Variants in ACVR1C observed in about 807,000 individuals in gnomAD.
ACVR1C encodes activin receptor type-1C.
Under a neutral mutation model 57.9 loss-of-function variants are expected in ACVR1C, and 23 were observed. The ratio of observed to expected loss-of-function variants is 0.40; its 90% confidence interval spans 0.29 to 0.56. ACVR1C has a LOEUF of 0.56. ACVR1C is among the 20% of genes least tolerant of loss of function. The pLI, the probability that ACVR1C is intolerant of heterozygous loss-of-function variation, is 0.50. For missense variants in ACVR1C, 480 were observed against 607.9 expected (o/e 0.79, Z 2.21); for synonymous variants, 214 against 215.3 (o/e 0.99, Z 0.05).
chr2:157,550,579 A>G (rs1035673204), intron 3 of ACVR1C, among the ~76,000 whole-genome samples, 187 bp from the exon 4 acceptor site: 9 of 152,238 alleles, frequency 5.9e-5, no homozygotes, highest in African/African-American at 1.9e-4. Flanking sequence ...AAAATACTTC[A>G]AATTATGAAT....
chr2:157,581,167 G>C (rs1688779350), intron 2 of ACVR1C, among the ~76,000 whole-genome samples: 1 of 151,928 alleles, frequency 6.6e-6, no homozygotes, highest in South Asian at 2.1e-4. Context: ...GGCTTCAAAA[G>C]TTTTCTTCAG....
At chr2:157,578,849 G>A (rs889047920) in intron 2 of ACVR1C, among the ~76,000 whole-genome samples, 2 of 152,060 alleles carry the variant, frequency 1.3e-5, no homozygotes, top group Non-Finnish European at 2.9e-5. Flanking sequence ...GATTAACACT[G>A]AATTCAACTT....
chr2:157,600,408 A>G (rs1682254260), intron 1 of ACVR1C, among the ~76,000 whole-genome samples: 1 of 152,246 alleles, frequency 6.6e-6, no homozygotes, highest in South Asian at 2.1e-4. Context: ...GAAAGCTCTG[A>G]CTTGTTAAAA....
rs1201198443 is a variant in ACVR1C at position 157,570,483 on chromosome 2, A to T, written c.305-14151T>A. On this transcript the variant is annotated intron_variant, in intron 2 of 8. Transcript: ENST00000243349. ...GAAAACCCCATCGTCTCAGCCCAAA[A>T]TCTCCTTAAGCTGATAAGCAACTTC... Among the ~76,000 whole-genome samples, 511 of 69,904 alleles carry T rather than the reference A, an allele frequency of 7.3e-3. 1 individual carries two copies. Among genetic ancestry groups the T allele is most frequent in the Non-Finnish European group, 8.6e-3 (290 of 33,896 alleles). The allele number at this position is 69,904 out of a possible 152,430, so 45.9% of individuals were successfully genotyped here.
intron 2 of ACVR1C, among the ~76,000 whole-genome samples, chr2:157,573,228 G>A (rs1165925825): frequency 6.6e-6 from 1 of 152,166 alleles, no homozygotes. Context: ...ATTTAGACAT[G>A]TGCCTAATCA....
In ACVR1C at chr2:157,576,822, G is replaced by C. The variant is rs1472171846; in HGVS notation, c.304+10365C>G. On this transcript the variant is annotated intron_variant, in intron 2 of 8. Coordinates refer to ENST00000243349, the MANE Select transcript of ACVR1C (RefSeq NM_145259.3). ...ACAATTTTCTGGTAGAGCCTTTTGG[G>C]CTTTGAAATTTTCTTTTTTTTTTTT... Among the ~76,000 whole-genome samples the C allele has an allele frequency of 2.7e-5, 4 of 146,502 alleles. No homozygotes were observed. The East Asian group carries it at 8.0e-4, about 29-fold the overall frequency.
At chr2:157,624,568 T>C (rs1284944943) in intron 1 of ACVR1C, among the ~76,000 whole-genome samples, 2 of 152,222 alleles carry the variant, frequency 1.3e-5, no homozygotes, top group Non-Finnish European at 2.9e-5. Context: ...TCTTGTTTTT[T>C]TCACCCATAT....
At chr2:157,574,475 G>A (rs527247992) in intron 2 of ACVR1C, among the ~76,000 whole-genome samples, 17 of 152,276 alleles carry the variant, frequency 1.1e-4, no homozygotes, top group African/African-American at 4.1e-4. Flanking sequence ...GAACTTAGGG[G>A]GAACATATTT....
At position 157,527,282 on chromosome 2, in the gene ACVR1C, T is replaced by C. The variant is rs2105191357; in HGVS notation, c.*6636A>G. The C allele has an allele frequency of 6.6e-6, 1 of 152,310 alleles. No individual in the cohort carries two copies. The highest frequency in any genetic ancestry group is 2.4e-5 in the African/African-American group (1 of 41,562). 9.4% of individuals were successfully genotyped at this position (152,310 alleles called of 1,614,324 possible). On this transcript the variant is annotated 3_prime_UTR_variant, in exon 9 of 9. Coordinates refer to ENST00000243349, the MANE Select transcript of ACVR1C (RefSeq NM_145259.3). Reference sequence around the variant, plus strand: ...ACCTAATTTATTTTTTCATATTCCTTCCTTATATACATTCCTTTGGGCCTG... The same window carrying C: ...ACCTAATTTATTTTTTCATATTCCTCCCTTATATACATTCCTTTGGGCCTG...
intron 3 of ACVR1C, among the ~76,000 whole-genome samples, chr2:157,554,396 G>C (rs1267189068): frequency 2.0e-5 from 3 of 150,756 alleles, no homozygotes; most frequent in Admixed American, 2.0e-4. Flanking sequence ...AGGAAGGAAG[G>C]AAGGAGATGA....
At chr2:157,538,890 C>T (rs1262808851) in intron 7 of ACVR1C, among the ~76,000 whole-genome samples, 187 bp from the exon 8 acceptor site, 3 of 150,828 alleles carry the variant, frequency 2.0e-5, no homozygotes, top group Non-Finnish European at 4.4e-5. Flanking sequence ...TGAATAGTTA[C>T]ATAAAGTTAA....
chr2:157,624,289 G>C (rs1682851051), intron 1 of ACVR1C, among the ~76,000 whole-genome samples: 1 of 152,128 alleles, frequency 6.6e-6, no homozygotes, highest in Non-Finnish European at 1.5e-5. Flanking sequence ...AGGTCCCACA[G>C]GGCTCAGCAG....
At chr2:157,535,946 C>G (rs934681545) in intron 8 of ACVR1C, among the ~76,000 whole-genome samples, 1 of 152,108 alleles carries the variant, frequency 6.6e-6, no homozygotes. Context: ...GCCCCCTCAT[C>G]GGCATATCCC....
In ACVR1C at chr2:157,530,806, A is replaced by G. The variant is rs1415604924; in HGVS notation, c.*3112T>C. On this transcript the variant is annotated 3_prime_UTR_variant, in exon 9 of 9. Coordinates refer to ENST00000243349, the MANE Select transcript of ACVR1C (RefSeq NM_145259.3). ...ATGTGACATGCCAAATATTTTAGAC[A>G]TAGAAGAAAGCATACAACAGAATCT... is the stretch of plus-strand genomic sequence containing the variant. The G allele has an allele frequency of 6.6e-6, 1 of 152,142 alleles. No homozygotes were observed. Among genetic ancestry groups the G allele is most frequent in the Admixed American group, 6.6e-5 (1 of 15,246 alleles). The allele number at this position is 152,142 out of a possible 1,614,324, so 9.4% of individuals were successfully genotyped here. A position where few individuals can be genotyped will look rare whatever the true frequency, so the allele number is the denominator to read the frequency against.
At chr2:157,580,097 G>A (rs1236466327) in intron 2 of ACVR1C, among the ~76,000 whole-genome samples, 2 of 150,732 alleles carry the variant, frequency 1.3e-5, no homozygotes, top group African/African-American at 2.4e-5. Context: ...ACACACGCGC[G>A]CACGCACACA....
At chr2:157,550,021 A>G in intron 4 of ACVR1C, 141 bp downstream of exon 4, 1 of 759,896 alleles carries the variant, frequency 1.3e-6, no homozygotes, top group Non-Finnish European at 2.0e-6. Flanking sequence ...AAAAAAAGAA[A>G]GAAAAGGAAA....
chr2:157,582,911 A>T (rs909580261), intron 2 of ACVR1C, among the ~76,000 whole-genome samples: 6 of 152,116 alleles, frequency 3.9e-5, no homozygotes, highest in African/African-American at 1.2e-4. Flanking sequence ...ATAGTGTCTC[A>T]CTCTGTCACC....
intron 1 of ACVR1C, among the ~76,000 whole-genome samples, chr2:157,618,675 T>G (rs1682703923): frequency 6.6e-6 from 1 of 151,718 alleles, no homozygotes; most frequent in South Asian, 2.1e-4. Flanking sequence ...TTTAAAAAAG[T>G]AGATATATAA....
intron 1 of ACVR1C, among the ~76,000 whole-genome samples, chr2:157,609,523 T>C (rs918132704): frequency 4.6e-5 from 7 of 152,038 alleles, no homozygotes; most frequent in Admixed American, 4.6e-4. Context: ...TGTTTCTTTG[T>C]TCATTTTCTG....
Sources: gnomAD v4.1 joint callset for allele counts (sites outside exome capture counted in the v4.1 genomes callset) on GRCh38, gnomAD v4.1.1 for gene constraint, MANE v1.5 for transcripts, NCBI Gene and HGNC (gene_info 2026-07-23, HGNC 2026-07-21) for gene names.